The following RBFOX1 variants were observed in gnomAD, a reference collection of about 807,000 sequenced individuals.
The protein encoded by RBFOX1 is RNA binding protein fox-1 homolog 1.
RBFOX1 carries 8 observed loss-of-function variants against 57.7 expected under a neutral mutation model. That is an observed-to-expected ratio of 0.14 (90% confidence interval 0.08 to 0.25). The LOEUF is 0.25. RBFOX1 is among the 10% of genes least tolerant of loss of function. RBFOX1 has a pLI of 1.00. For synonymous variants in RBFOX1, 326 were observed against 222.4 expected (o/e 1.47, Z -4.15); for missense variants, 611 against 548.5 (o/e 1.11, Z -1.14).
At chr16:6,301,161 C>G (rs2078776678) in intron 1 of RBFOX1, among the ~76,000 whole-genome samples, 1 of 152,076 alleles carries the variant, frequency 6.6e-6, no homozygotes, top group Non-Finnish European at 1.5e-5. Context: ...AAATTGTAGA[C>G]TTATTTAAAT....
chr16:5,750,883 G>C (rs1452650444), intron 3 of RBFOX1, among the ~76,000 whole-genome samples: 1 of 152,218 alleles, frequency 6.6e-6, no homozygotes, highest in African/African-American at 2.4e-5. Flanking sequence ...TGTCCCCACT[G>C]TCTGACAAGC....
In RBFOX1 at chr16:5,424,919, C is replaced by CTTTCTT. The variant is rs1555514798; in HGVS notation, c.220-42295_220-42290dup. ...TCTTTCTTTCTTTCTTTCTTTCTTT[C>CTTTCTT]TTTCTTTCTTTCTTTCTCTCTCTTC... is the stretch of plus-strand genomic sequence containing the variant. On this transcript the variant is annotated intron_variant, in intron 1 of 2. Transcript: ENST00000585867. Among the ~76,000 whole-genome samples the CTTTCTT allele has an allele frequency of 5.2e-3, 502 of 96,722 alleles. 17 individuals carry two copies. Among genetic ancestry groups the CTTTCTT allele is most frequent in the African/African-American group, 0.02 (422 of 21,298 alleles). The allele number at this position is 96,722 out of a possible 152,430, so 63.5% of individuals were successfully genotyped here. A position where few individuals can be genotyped will look rare whatever the true frequency, so the allele number is the denominator to read the frequency against.
At chr16:5,985,190 C>T (rs2060262452) in intron 4 of RBFOX1, among the ~76,000 whole-genome samples, 2 of 151,054 alleles carry the variant, frequency 1.3e-5, no homozygotes, top group Non-Finnish European at 3.0e-5. Flanking sequence ...GGCGGGGTTT[C>T]ACCGTGTTAG....
intron 3 of RBFOX1, among the ~76,000 whole-genome samples, chr16:5,809,884 T>C (rs34575854): frequency 1.1e-4 from 16 of 151,056 alleles, no homozygotes; most frequent in African/African-American, 3.4e-4. Context: ...ACGTATGTTT[T>C]TTGCGGCACT....
At chr16:7,383,191 T>C (rs2097811248) in intron 4 of RBFOX1, among the ~76,000 whole-genome samples, 1 of 152,190 alleles carries the variant, frequency 6.6e-6, no homozygotes, top group Middle Eastern at 3.4e-3. Flanking sequence ...GATGTGCTTA[T>C]TTCTCATGGC....
intron 3 of RBFOX1, among the ~76,000 whole-genome samples, chr16:6,941,310 CCT>C (rs2078454517): frequency 3.4e-5 from 3 of 86,980 alleles, no homozygotes; most frequent in African/African-American, 1.3e-4. Flanking sequence ...CTCCTTCCTT[CCT>C]TCCTTCCTTC....
chr16:6,912,373 G>T (rs1271076820), intron 3 of RBFOX1, among the ~76,000 whole-genome samples: 1 of 151,600 alleles, frequency 6.6e-6, no homozygotes, highest in Non-Finnish European at 1.5e-5. Flanking sequence ...GTGGATCTCG[G>T]AGTGGGGACG....
rs1198224026 is a variant in RBFOX1, at chr16:6,562,865, TTTCTTTCTTTCTTTC to T, written c.-63-91735_-63-91721del. On this transcript the variant is annotated intron_variant, in intron 2 of 15. Coordinates refer to ENST00000550418, the MANE Select transcript of RBFOX1 (RefSeq NM_018723.4). Reference sequence around the variant, plus strand: ...CTTTCTTTCTTTCTTTCTTTCTTTCTTTCTTTCTTTCTTTCTTTTTTTTTTTTTTTTTTGCATAGT... The same window carrying T: ...CTTTCTTTCTTTCTTTCTTTCTTTCTTTTTTTTTTTTTTTTTTTGCATAGT... 7.7e-3 allele frequency among the ~76,000 whole-genome samples: 483 copies of T among 62,932 alleles called. 19 individuals carry two copies. The highest frequency in any genetic ancestry group is 0.039 in the African/African-American group (441 of 11,206). 41.3% of individuals were successfully genotyped at this position (62,932 alleles called of 152,430 possible). A position where few individuals can be genotyped will look rare whatever the true frequency, so the allele number is the denominator to read the frequency against.
At chr16:5,922,121 A>G (rs147823073) in intron 4 of RBFOX1, among the ~76,000 whole-genome samples, 1 of 152,312 alleles carries the variant, frequency 6.6e-6, no homozygotes, top group East Asian at 1.9e-4. Flanking sequence ...TGATCGCACC[A>G]CTGCATTCCA....
chr16:6,607,785 C>T (rs911514884), intron 2 of RBFOX1, among the ~76,000 whole-genome samples: 4 of 152,144 alleles, frequency 2.6e-5, no homozygotes, highest in Non-Finnish European at 5.9e-5. Context: ...AACATAGCTC[C>T]CGAATAATGT....
At chr16:5,960,583 G>C (rs1416800994) in intron 4 of RBFOX1, among the ~76,000 whole-genome samples, 2 of 151,924 alleles carry the variant, frequency 1.3e-5, no homozygotes, top group African/African-American at 4.8e-5. Flanking sequence ...GCCTTTTTTA[G>C]TGTTAATCAG....
chr16:5,425,103 ATCT>A, intron 1 of RBFOX1, among the ~76,000 whole-genome samples: 1 of 139,846 alleles, frequency 7.2e-6, no homozygotes, highest in Non-Finnish European at 1.5e-5. Flanking sequence ...CTATCTATCT[ATCT>A]ATCTATCTAT....
intron 3 of RBFOX1, among the ~76,000 whole-genome samples, chr16:5,836,594 C>T (rs1490043311): frequency 6.6e-6 from 1 of 152,214 alleles, no homozygotes; most frequent in African/African-American, 2.4e-5. Context: ...TCTCAAATCT[C>T]CATCTCCATT....
At chr16:6,483,450 C>A (rs750224133) in intron 2 of RBFOX1, 95 of 1,535,598 alleles carry the variant, frequency 6.2e-5, no homozygotes, top group Non-Finnish European at 7.7e-5. Flanking sequence ...CGGACTTCTC[C>A]CGTGCTGTGT....
intron 3 of RBFOX1, among the ~76,000 whole-genome samples, chr16:6,737,057 T>C (rs1807270804): frequency 6.6e-6 from 1 of 152,148 alleles, no homozygotes; most frequent in African/African-American, 2.4e-5. Flanking sequence ...ACATCTACCA[T>C]GTGTCAGATA....
At chr16:6,599,698 G>A (rs146470336) in intron 2 of RBFOX1, among the ~76,000 whole-genome samples, 18 of 152,152 alleles carry the variant, frequency 1.2e-4, no homozygotes, top group African/African-American at 4.3e-4. Context: ...CTGTGGAGCC[G>A]AACTTCTCCA....
chr16:7,628,677 A>G (rs2060455714), intron 10 of RBFOX1, among the ~76,000 whole-genome samples: 1 of 151,954 alleles, frequency 6.6e-6, no homozygotes, highest in African/African-American at 2.4e-5. Context: ...TAATGGCGTG[A>G]TCTCGGCTTA....
chr16:6,716,651 GC>G (rs1208585173), intron 3 of RBFOX1, among the ~76,000 whole-genome samples: 4 of 152,138 alleles, frequency 2.6e-5, no homozygotes, highest in Non-Finnish European at 5.9e-5. Flanking sequence ...CCAGGTATCT[GC>G]CCATGACTCA....
At chr16:7,181,499 C>T (rs1178838715) in intron 4 of RBFOX1, among the ~76,000 whole-genome samples, 1 of 151,746 alleles carries the variant, frequency 6.6e-6, no homozygotes, top group Non-Finnish European at 1.5e-5. Flanking sequence ...AAATTCCTTC[C>T]TTCCTTCTTC....
Sources: allele counts gnomAD v4.1 joint callset (sites outside exome capture counted in the v4.1 genomes callset), GRCh38; gene constraint gnomAD v4.1.1; transcripts MANE v1.5; gene names NCBI Gene and HGNC (gene_info 2026-07-23, HGNC 2026-07-21).